Variants in MBOAT2 observed in about 807,000 individuals in gnomAD.
MBOAT2 encodes the protein membrane bound glycerophospholipid O-acyltransferase 2.
Under a neutral mutation model 63.4 loss-of-function variants are expected in MBOAT2, and 28 were observed. That is an observed-to-expected ratio of 0.44 (90% CI 0.33 to 0.61). The LOEUF is 0.61. Among genes scored for constraint, MBOAT2 ranks in the 20% least tolerant of loss-of-function variants. MBOAT2 has a pLI of 0.03. For missense variants in MBOAT2, 470 were observed against 605.8 expected, an observed-to-expected ratio of 0.78 and a Z score of 2.35; for synonymous variants, 211 against 215.6, an observed-to-expected ratio of 0.98 and a Z score of 0.19.
chr2:8,886,438 C>G (rs1255514188), intron 5 of MBOAT2, among the ~76,000 whole-genome samples: 1 of 152,178 alleles, frequency 6.6e-6, no homozygotes, highest in Admixed American at 6.5e-5. Flanking sequence ...TAATAAGGCC[C>G]TTCTCTGAAA....
At chr2:8,972,732 A>G (rs1380881894) in intron 1 of MBOAT2, among the ~76,000 whole-genome samples, 1 of 152,234 alleles carries the variant, frequency 6.6e-6, no homozygotes, top group Non-Finnish European at 1.5e-5. Flanking sequence ...ACTTCTCAAA[A>G]GAAGACATTT....
intron 1 of MBOAT2, among the ~76,000 whole-genome samples, chr2:8,981,811 T>C (rs891465786): frequency 6.6e-6 from 1 of 152,244 alleles, no homozygotes; most frequent in East Asian, 1.9e-4. Context: ...GGTGTCCTAA[T>C]ATGTTATTTC....
intron 3 of MBOAT2, among the ~76,000 whole-genome samples, chr2:8,939,415 C>T (rs1218221277): frequency 1.3e-5 from 2 of 152,156 alleles, no homozygotes; most frequent in Non-Finnish European, 2.9e-5. Flanking sequence ...CCAAAGAAAA[C>T]GGCAGGACAG....
chr2:8,958,722 C>A, intron 1 of MBOAT2, 80 bp from the exon 2 acceptor site: 1 of 1,312,558 alleles, frequency 7.6e-7, no homozygotes, highest in South Asian at 1.8e-5. Context: ...ATTCTCAGGA[C>A]AAAAACACCA....
At chr2:8,917,685 G>A (rs1213198757) in intron 3 of MBOAT2, among the ~76,000 whole-genome samples, 2 of 152,100 alleles carry the variant, frequency 1.3e-5, no homozygotes, top group Non-Finnish European at 2.9e-5. Flanking sequence ...ATTTCTTACT[G>A]GATTAAAATA....
At chr2:8,957,943 G>A (rs967865555) in intron 2 of MBOAT2, among the ~76,000 whole-genome samples, 27 of 152,124 alleles carry the variant, frequency 1.8e-4, no homozygotes. Context: ...TGAGGATTGA[G>A]AAAGAGACCT....
At chr2:8,999,792 C>T (rs1232522946) in intron 1 of MBOAT2, among the ~76,000 whole-genome samples, 3 of 152,146 alleles carry the variant, frequency 2.0e-5, no homozygotes, top group African/African-American at 4.8e-5. Flanking sequence ...CATCAGATGC[C>T]GATACTTCCT....
At chr2:8,928,670 C>CA (rs954185150) in intron 3 of MBOAT2, among the ~76,000 whole-genome samples, 294 of 146,972 alleles carry the variant, frequency 2.0e-3, no homozygotes, top group Non-Finnish European at 3.1e-3. Context: ...ATTTCCAAAA[C>CA]AAAAAAAAAA....
intron 3 of MBOAT2, among the ~76,000 whole-genome samples, chr2:8,915,552 T>C (rs1294330862): frequency 6.6e-6 from 1 of 152,126 alleles, no homozygotes; most frequent in East Asian, 1.9e-4. Context: ...TTTTGTTTTG[T>C]TTACTGTCTG....
chr2:8,994,820 A>C (rs1476905926), intron 1 of MBOAT2, among the ~76,000 whole-genome samples: 1 of 152,254 alleles, frequency 6.6e-6, no homozygotes, highest in Non-Finnish European at 1.5e-5. Context: ...CTATTGAAAA[A>C]TACGGATCTG....
Position 8,924,687 on chromosome 2 carries a change from C to T in MBOAT2, c.300-15971G>A, listed in dbSNP as rs75665046. ...ATGACAAAAATGAACCAAACCCCCA[C>T]CCAGCTATGGTTCAGCTGCTTTTTT... On this transcript the variant is annotated intron_variant, in intron 3 of 12. Transcript: ENST00000305997. 8.4e-3 allele frequency among the ~76,000 whole-genome samples: 1,267 copies of T among 151,502 alleles called. 46 individuals are homozygous for T. The highest frequency in any genetic ancestry group is 0.055 in the Admixed American group (842 of 15,216).
chr2:8,935,601 T>G lies in MBOAT2; in HGVS notation c.299+7586A>C, dbSNP rs113276747. ...CCTTTGAAAGATTTGATCTAGAAGT[T>G]TGAACACCTCTTCTTGGTAGCTGAA... On this transcript the variant is annotated intron_variant, in intron 3 of 12. Transcript: ENST00000305997. Among the ~76,000 whole-genome samples the G allele has an allele frequency of 2.1e-3, 323 of 152,376 alleles. 2 individuals carry two copies. The highest frequency in any genetic ancestry group is 2.4e-3 in the Non-Finnish European group (160 of 68,042).
intron 3 of MBOAT2, among the ~76,000 whole-genome samples, chr2:8,937,183 T>G (rs1211616643): frequency 6.6e-6 from 1 of 152,184 alleles, no homozygotes; most frequent in Non-Finnish European, 1.5e-5. Context: ...ACAGGGAGTC[T>G]ACAGTGGCTT....
Position 8,860,615 on chromosome 2 carries a change from G to A in MBOAT2, c.1335C>T (p.Tyr445=), listed in dbSNP as rs1378837743. The A allele has an allele frequency of 1.2e-6, 2 of 1,612,230 alleles. No homozygotes were observed. Among genetic ancestry groups the A allele is most frequent in the Non-Finnish European group, 1.7e-6 (2 of 1,179,442 alleles). The change falls in exon 12 of 13, where the codon TAC becomes TAT. Residue 445 remains tyrosine (Y), a splice_region_variant and synonymous_variant. Coordinates refer to ENST00000305997, the MANE Select transcript of MBOAT2 (RefSeq NM_138799.4). The part of the protein sequence containing the change: ...LLSIKPSLTF[Y]SSWYYCLHIL... The stretch of plus-strand genomic sequence containing the variant: ...AAAGTTTTAAGAGTAACACTTACCT[G>A]TAAAACGTGAGTGATGGTTTTATAG...
intron 3 of MBOAT2, among the ~76,000 whole-genome samples, chr2:8,909,340 T>A (rs1665544629): frequency 6.6e-6 from 1 of 152,140 alleles, no homozygotes; most frequent in Non-Finnish European, 1.5e-5. Context: ...AAGGCTGCAA[T>A]GCAAATTATC....
chr2:8,877,869 G>A (rs535495888), intron 6 of MBOAT2, among the ~76,000 whole-genome samples: 4 of 152,312 alleles, frequency 2.6e-5, no homozygotes, highest in South Asian at 2.1e-4. Context: ...CAAGGCAGCC[G>A]TGGGGCTGGA....
chr2:8,990,267 C>T (rs540067286), intron 1 of MBOAT2, among the ~76,000 whole-genome samples: 2 of 152,136 alleles, frequency 1.3e-5, no homozygotes, highest in Non-Finnish European at 1.5e-5. Flanking sequence ...CTTCATTTCA[C>T]AAGGGCTAAA....
intron 2 of MBOAT2, among the ~76,000 whole-genome samples, chr2:8,951,976 AGTTT>A (rs1226891432): frequency 6.6e-6 from 1 of 152,006 alleles, no homozygotes; most frequent in Non-Finnish European, 1.5e-5. Flanking sequence ...CTTTGAGGTT[AGTTT>A]GTTCTCGTTT....
chr2:8,914,056 G>A (rs942779714), intron 3 of MBOAT2, among the ~76,000 whole-genome samples: 2 of 152,218 alleles, frequency 1.3e-5, no homozygotes, highest in African/African-American at 4.8e-5. Context: ...ATTATTCTAA[G>A]TGAAGTAACT....
Sources: gnomAD v4.1 joint callset for allele counts (sites outside exome capture counted in the v4.1 genomes callset) on GRCh38, gnomAD v4.1.1 for gene constraint, MANE v1.5 for transcripts, NCBI Gene and HGNC (gene_info 2026-07-23, HGNC 2026-07-21) for gene names.